The following VPS13C variants were observed in gnomAD, a reference collection of about 807,000 sequenced individuals.
VPS13C encodes vacuolar protein sorting 13 homolog C.
In VPS13C, 358 loss-of-function variants were observed where a neutral mutation model predicts 456.8. The observed-to-expected ratio is 0.78, with a 90% CI of 0.72 to 0.86. VPS13C has a LOEUF of 0.86. Ranked by LOEUF, VPS13C falls within the 40% of genes least tolerant of loss-of-function variation. The pLI, the probability that VPS13C is intolerant of heterozygous loss-of-function variation, is 0.00. For synonymous variants in VPS13C, 1,578 were observed against 1,486.7 expected, an observed-to-expected ratio of 1.06 and a Z score of -1.41; for missense variants, 4,818 against 4,385.4, an observed-to-expected ratio of 1.10 and a Z score of -2.79.
At chr15:62,046,779 T>C (rs906375305) in intron 1 of VPS13C, among the ~76,000 whole-genome samples, 16 of 152,360 alleles carry the variant, frequency 1.1e-4, no homozygotes, top group African/African-American at 3.6e-4. Context: ...ACTTTACTTG[T>C]TTGATCAAGT....
intron 67 of VPS13C, 100 bp from the exon 68 acceptor site, chr15:61,884,369 A>G (rs1896109950): frequency 3.1e-6 from 4 of 1,284,130 alleles, no homozygotes; most frequent in African/African-American, 1.5e-5. Context: ...TTCCTATGAA[A>G]ATTACATTGG....
intron 66 of VPS13C, among the ~76,000 whole-genome samples, chr15:61,890,949 A>G (rs943907147): frequency 7.9e-5 from 12 of 152,184 alleles, no homozygotes; most frequent in African/African-American, 2.9e-4. Context: ...CAGGAGGCTG[A>G]GGCACGAGAA....
intron 51 of VPS13C, among the ~76,000 whole-genome samples, chr15:61,928,939 AGGAAAGAAAAAAAAG>A (rs1435517954): frequency 6.6e-6 from 1 of 152,128 alleles, no homozygotes; most frequent in Non-Finnish European, 1.5e-5. Flanking sequence ...AGGAAAGAAA[AGGAAAGAAAAAAAAG>A]GGAAAGAAAA....
chr15:61,884,381 A>G (rs112086596), intron 67 of VPS13C, 112 bp from the exon 68 acceptor site: 3 of 1,131,660 alleles, frequency 2.7e-6, no homozygotes, highest in Non-Finnish European at 1.2e-6. Flanking sequence ...TTACATTGGT[A>G]TAAGGGACTT....
intron 71 of VPS13C, 95 bp downstream of exon 71, chr15:61,881,468 T>G (rs1895842889): frequency 7.8e-7 from 1 of 1,285,466 alleles, no homozygotes; most frequent in Admixed American, 2.7e-5. Flanking sequence ...AAATACTTTT[T>G]ACATGAAAGT....
rs368748137 is a variant in VPS13C, at chr15:61,857,300, C to CGA, written c.10953-893_10953-892dup. ...GAGTGTGCAGATTAGTCTTTTGGAGCGAGAGAGAGAGAGGAACAGATCGTA... is the reference window on the plus strand; with the variant it reads ...GAGTGTGCAGATTAGTCTTTTGGAGCGAGAGAGAGAGAGAGGAACAGATCGTA... On this transcript the variant is annotated intron_variant, in intron 82 of 84. Coordinates refer to ENST00000644861, the MANE Select transcript of VPS13C (RefSeq NM_020821.3). Among the ~76,000 whole-genome samples, 890 of 151,010 alleles carry CGA rather than the reference C, an allele frequency of 5.9e-3. 7 individuals carry two copies. The highest frequency in any genetic ancestry group is 0.021 in the African/African-American group (850 of 41,226).
At chr15:61,906,698 G>C (rs1313010426) in intron 66 of VPS13C, 1 of 155,304 alleles carries the variant, frequency 6.4e-6, no homozygotes, top group Non-Finnish European at 1.4e-5. Context: ...TATTACTAAT[G>C]CAGGAGCAAT....
intron 22 of VPS13C, 69 bp downstream of exon 22, chr15:61,981,273 C>T (rs1220337448): frequency 6.8e-7 from 1 of 1,462,436 alleles, no homozygotes; most frequent in African/African-American, 1.4e-5. Flanking sequence ...AAAAAAACAG[C>T]AAACTGTTGG....
chr15:61,984,846 T>C lies in VPS13C; in HGVS notation c.1721+11A>G. ...AAAAGTAAAAATTGAAATAAGTTTT[T>C]AAAAACTTACTTAAGTGCTTGTGCT... is the stretch of plus-strand genomic sequence containing the variant. On this transcript the variant is annotated intron_variant, in intron 19 of 84. Coordinates refer to ENST00000644861, the MANE Select transcript of VPS13C (RefSeq NM_020821.3). 1 of 1,611,262 alleles carries C rather than the reference T, an allele frequency of 6.2e-7. No homozygotes were observed. Among genetic ancestry groups the C allele is most frequent in the Non-Finnish European group, 8.5e-7 (1 of 1,178,782 alleles).
At position 61,878,615 on chromosome 15, in the gene VPS13C, A is replaced by T; in HGVS notation, c.10134T>A (p.Leu3378=). Residue 3378 remains leucine (L), a synonymous_variant, in exon 74 of 85, where the codon CTT becomes CTA. Transcript: ENST00000644861. ...IGATLTDVDD[L]IFKLAYYEIR... ...TCTAACAGAAGTCTTACTTGAATAT[A>T]AGGTCATCCACATCAGTCAGAGTAG... The T allele has an allele frequency of 6.2e-7, 1 of 1,608,244 alleles. No homozygotes were observed. Among genetic ancestry groups the T allele is most frequent in the Non-Finnish European group, 8.5e-7 (1 of 1,177,846 alleles).
At position 61,867,393 on chromosome 15, in the gene VPS13C, T is replaced by A; in HGVS notation, c.10863+1266A>T. Reference sequence around the variant, plus strand: ...AATTCATGTGCCAACTATTTATTACTTGAGGTCTAAGGGCAGGCTCAGAGC... The same window carrying A: ...AATTCATGTGCCAACTATTTATTACATGAGGTCTAAGGGCAGGCTCAGAGC... On this transcript the variant is annotated intron_variant, in intron 81 of 84. Transcript: ENST00000644861. The surrounding 1 kb of genome is among the most constrained non-coding windows in gnomAD (Gnocchi z 5.0). 1 of 985,592 alleles carries A rather than the reference T, an allele frequency of 1.0e-6. No individual in the cohort carries two copies. Among genetic ancestry groups the A allele is most frequent in the Non-Finnish European group, 1.2e-6 (1 of 830,072 alleles). The allele number at this position is 985,592 out of a possible 1,614,324, so 61.1% of individuals were successfully genotyped here.
intron 16 of VPS13C, among the ~76,000 whole-genome samples, chr15:61,996,438 T>C (rs2046387553): frequency 6.6e-6 from 1 of 152,152 alleles, no homozygotes. Context: ...ATAATCACAA[T>C]GTCAAAAATA....
chr15:61,885,290 C>A lies in VPS13C; in HGVS notation c.9342-1021G>T, dbSNP rs552851714. Reference sequence around the variant, plus strand: ...TAGCTTGAAATTCATTAAAAAACATCATCAATTCTGCAATTATGCAACAAA... The same window carrying A: ...TAGCTTGAAATTCATTAAAAAACATAATCAATTCTGCAATTATGCAACAAA... On this transcript the variant is annotated intron_variant, in intron 67 of 84. Transcript: ENST00000644861. Among the ~76,000 whole-genome samples, 8 of 152,202 alleles carry A rather than the reference C, an allele frequency of 5.3e-5. No individual in the cohort carries two copies. In the East Asian group the frequency reaches 1.2e-3, roughly 22 times the overall value.
intron 15 of VPS13C, among the ~76,000 whole-genome samples, chr15:62,003,427 G>A (rs370632107): frequency 0.018 from 2,653 of 151,548 alleles, 49 homozygotes; most frequent in East Asian, 0.064. Context: ...GGGCTGAGAC[G>A]ATGGGGTTTT....
intron 18 of VPS13C, among the ~76,000 whole-genome samples, chr15:61,988,281 C>G (rs1464579062): frequency 6.6e-6 from 1 of 152,162 alleles, no homozygotes; most frequent in African/African-American, 2.4e-5. Context: ...TTGATCACCA[C>G]ATAGGTGTAT....
chr15:62,022,526 T>G (rs890632277), intron 8 of VPS13C, among the ~76,000 whole-genome samples: 1 of 151,980 alleles, frequency 6.6e-6, no homozygotes, highest in African/African-American at 2.4e-5. Flanking sequence ...TTAAGACATT[T>G]ATTTGTTAAC....
chr15:62,002,794 T>C (rs1193314854), intron 15 of VPS13C, among the ~76,000 whole-genome samples: 2 of 152,198 alleles, frequency 1.3e-5, no homozygotes, highest in Non-Finnish European at 2.9e-5. Context: ...CCCCATTGCT[T>C]GTTTTTGTCA....
At chr15:62,034,677 G>C (rs943334129) in intron 4 of VPS13C, among the ~76,000 whole-genome samples, 1 of 151,752 alleles carries the variant, frequency 6.6e-6, no homozygotes, top group East Asian at 1.9e-4. Context: ...GCCTAATGCA[G>C]CTCAACAGGA....
chr15:61,961,602 G>A lies in VPS13C; in HGVS notation c.3895C>T (p.Leu1299Phe), dbSNP rs745852810. The A allele has an allele frequency of 2.5e-6, 4 of 1,598,038 alleles. No individual in the cohort carries two copies. The Admixed American group carries it at 6.9e-5, about 28-fold the overall frequency. ...IDRMDVQLTK[L>F]TLYRTVIQPG... Reference sequence around the variant, plus strand: ...GAAAGAGCATACCTATAAAGTGTAAGCTTTGTTAGCTGCACATCCATTCTA... The same window carrying A: ...GAAAGAGCATACCTATAAAGTGTAAACTTTGTTAGCTGCACATCCATTCTA... Residue 1299 changes from leucine to phenylalanine, a missense_variant, in exon 35 of 85, where the codon CTT becomes TTT. Leu to Phe is a conservative substitution (Grantham distance 22). Around this residue, in one of 3 missense-constraint regions of VPS13C, gnomAD observed 4,552 missense variants for 4,130.6 expected, o/e 1.10. Coordinates refer to ENST00000644861, the MANE Select transcript of VPS13C (RefSeq NM_020821.3).
Sources: gnomAD v4.1 joint callset for allele counts (sites outside exome capture counted in the v4.1 genomes callset) on GRCh38, gnomAD v4.1.1 for gene constraint, gnomAD v4.1.1 regional missense constraint, Gnocchi (gnomAD v3.1) non-coding constraint, MANE v1.5 for transcripts, NCBI Gene and HGNC (gene_info 2026-07-23, HGNC 2026-07-21) for gene names.